The following NRG1 variants were observed in gnomAD, a reference collection of about 807,000 sequenced individuals.
The protein encoded by NRG1 is pro-neuregulin-1, membrane-bound isoform.
NRG1 carries 18 observed loss-of-function variants against 63.8 expected under a neutral mutation model. The observed-to-expected ratio is 0.28, with a 90% CI of 0.19 to 0.42. The LOEUF (loss-of-function observed/expected upper bound fraction) is 0.42. Among genes scored for constraint, NRG1 ranks in the 10% least tolerant of loss-of-function variants. NRG1 has a pLI of 1.00. For synonymous variants in NRG1, 302 were observed against 301.3 expected (o/e 1.00, Z -0.02); for missense variants, 762 against 814.7 (o/e 0.94, Z 0.79).
chr8:32,134,334 A>G (rs1420892293), intron 1 of NRG1, among the ~76,000 whole-genome samples: 1 of 152,152 alleles, frequency 6.6e-6, no homozygotes, highest in Non-Finnish European at 1.5e-5. Flanking sequence ...TGGCTTAAAA[A>G]TTTCCCTATA....
intron 1 of NRG1, among the ~76,000 whole-genome samples, chr8:31,951,088 A>G (rs367830): frequency 0.9 from 136,934 of 152,286 alleles, 62,359 homozygotes; most frequent in African/African-American, 0.97. Flanking sequence ...GTGTGAGAAT[A>G]TTGTAGTTCC....
intron 1 of NRG1, among the ~76,000 whole-genome samples, chr8:31,884,465 A>G (rs1331087224): frequency 6.6e-6 from 1 of 152,064 alleles, no homozygotes; most frequent in East Asian, 1.9e-4. Context: ...GGCTCCTCCT[A>G]TTTCAAGATT....
chr8:32,709,343 T>C (rs1326653491), intron 5 of NRG1, among the ~76,000 whole-genome samples: 3 of 152,204 alleles, frequency 2.0e-5, no homozygotes, highest in Non-Finnish European at 4.4e-5. Context: ...TCAGATTTCT[T>C]CCATAGCTTT....
chr8:32,571,171 A>G (rs10503920), intron 1 of NRG1, among the ~76,000 whole-genome samples: 43,811 of 152,104 alleles, frequency 0.29, 7,565 homozygotes, highest in East Asian at 0.79. Context: ...ACAGTGCTCC[A>G]AATTAAAGAT....
intron 1 of NRG1, among the ~76,000 whole-genome samples, chr8:31,722,573 G>A: frequency 6.6e-6 from 1 of 152,038 alleles, no homozygotes; most frequent in African/African-American, 2.4e-5. Flanking sequence ...TGCCTATCAA[G>A]CCTTGCTCTC....
intron 1 of NRG1, among the ~76,000 whole-genome samples, chr8:31,833,314 C>G (rs1161578963): frequency 6.6e-6 from 1 of 152,270 alleles, no homozygotes; most frequent in Non-Finnish European, 1.5e-5. Context: ...GTTCCCAGAC[C>G]ATTTGCCAAA....
At chr8:31,925,027 T>A (rs1290144888) in intron 1 of NRG1, among the ~76,000 whole-genome samples, 1 of 151,354 alleles carries the variant, frequency 6.6e-6, no homozygotes, top group African/African-American at 2.4e-5. Context: ...TGGTCCAATT[T>A]TGTTAAACAT....
At chr8:32,617,915 T>C (rs1166211420) in intron 5 of NRG1, among the ~76,000 whole-genome samples, 1 of 152,186 alleles carries the variant, frequency 6.6e-6, no homozygotes, top group Non-Finnish European at 1.5e-5. Flanking sequence ...CTATATGGTA[T>C]AAAATTATCT....
At chr8:32,115,933 A>G (rs1832658305) in intron 1 of NRG1, among the ~76,000 whole-genome samples, 2 of 151,734 alleles carry the variant, frequency 1.3e-5, no homozygotes, top group African/African-American at 4.8e-5. Flanking sequence ...TCATTAACCA[A>G]TCTGACTGAT....
intron 5 of NRG1, among the ~76,000 whole-genome samples, chr8:32,724,645 C>T (rs567144230): frequency 6.6e-6 from 1 of 152,268 alleles, no homozygotes; most frequent in African/African-American, 2.4e-5. Flanking sequence ...CGGCTTCTTC[C>T]GACAATTACA....
rs1225215124 is a variant in NRG1 at position 31,966,698 on chromosome 8, G to A, written c.37+327267G>A. On this transcript the variant is annotated intron_variant, in intron 1 of 10. Coordinates refer to the NRG1 transcript ENST00000519301. ...CTGCATTGTCCCATTGAATAGATGTGGCACATTCTGGATCTAGTGAGAATA... is the reference window on the plus strand; with the variant it reads ...CTGCATTGTCCCATTGAATAGATGTAGCACATTCTGGATCTAGTGAGAATA... 2.6e-5 allele frequency among the ~76,000 whole-genome samples: 4 copies of A among 152,098 alleles called. No homozygotes were observed. The East Asian group carries it at 7.7e-4, about 29-fold the overall frequency.
In NRG1 at chr8:32,054,859, CTTTCTTTTTTTTTTTTTTTTT is replaced by C. The variant is rs1420313214; in HGVS notation, c.37+415432_37+415452del. On this transcript the variant is annotated intron_variant, in intron 1 of 10. Coordinates refer to the NRG1 transcript ENST00000519301. Reference sequence around the variant, plus strand: ...TTTCCCTTGAAAAGCAGATTTCTTTCTTTCTTTTTTTTTTTTTTTTTTTTTTTTTTTTTTTTTTTTTTTTTT... The same window carrying C: ...TTTCCCTTGAAAAGCAGATTTCTTTCTTTTTTTTTTTTTTTTTTTTTTTTT... 1.7e-3 allele frequency among the ~76,000 whole-genome samples: 120 copies of C among 70,684 alleles called. 4 individuals carry two copies. Among genetic ancestry groups the C allele is most frequent in the Middle Eastern group, 8.8e-3 (1 of 114 alleles). 46.4% of individuals were successfully genotyped at this position (70,684 alleles called of 152,430 possible). A position where few individuals can be genotyped will look rare whatever the true frequency, so the allele number is the denominator to read the frequency against.
chr8:32,627,569 A>G (rs1849520076), intron 5 of NRG1, among the ~76,000 whole-genome samples: 1 of 152,188 alleles, frequency 6.6e-6, no homozygotes, highest in African/African-American at 2.4e-5. Flanking sequence ...CTCAGCCCCA[A>G]AGTGCTGGGA....
Position 31,868,147 on chromosome 8 carries a change from TACACAC to T in NRG1, c.37+228758_37+228763del, listed in dbSNP as rs1047085862. Among the ~76,000 whole-genome samples, 85 of 32,656 alleles carry T rather than the reference TACACAC, an allele frequency of 2.6e-3. 1 individual carries two copies. The highest frequency in any genetic ancestry group is 9.7e-3 in the East Asian group (5 of 518). 21.4% of individuals were successfully genotyped at this position (32,656 alleles called of 152,430 possible). ...AACACACACACACACACATACATCTTACACACACACACACACACACACACACACACA... is the reference window on the plus strand; with the variant it reads ...AACACACACACACACACATACATCTTACACACACACACACACACACACACA... On this transcript the variant is annotated intron_variant, in intron 1 of 10. Coordinates refer to the NRG1 transcript ENST00000519301.
rs139757944 is a variant in NRG1, at chr8:32,009,345, T to C, written c.37+369914T>C. Among the ~76,000 whole-genome samples, 80 of 152,120 alleles carry C rather than the reference T, an allele frequency of 5.3e-4. No homozygotes were observed. In the East Asian group the frequency reaches 0.012, roughly 24 times the overall value. ...ATTCCATTCCCAGTTGTATACACAATGGTTAACTTTACATTCGTGCAATCA... is the reference window on the plus strand; with the variant it reads ...ATTCCATTCCCAGTTGTATACACAACGGTTAACTTTACATTCGTGCAATCA... On this transcript the variant is annotated intron_variant, in intron 1 of 10. Coordinates refer to the NRG1 transcript ENST00000519301.
intron 1 of NRG1, among the ~76,000 whole-genome samples, chr8:32,588,870 T>G (rs1478508487): frequency 5.3e-5 from 8 of 152,198 alleles, no homozygotes; most frequent in Admixed American, 5.2e-4. Context: ...TCCTCAGTAG[T>G]CAGGGACAAA....
intron 1 of NRG1, among the ~76,000 whole-genome samples, chr8:32,174,539 C>G (rs1415767539): frequency 6.6e-6 from 1 of 152,138 alleles, no homozygotes. Context: ...ATCAATGAAT[C>G]CAGGAGCTGG....
At position 32,506,213 on chromosome 8, in the gene NRG1, G is replaced by A. The variant is rs558132742; in HGVS notation, c.38-89615G>A. Among the ~76,000 whole-genome samples the A allele has an allele frequency of 3.7e-4, 57 of 152,198 alleles. No individual in the cohort carries two copies. The South Asian group carries it at 0.011, about 29-fold the overall frequency. Reference sequence around the variant, plus strand: ...ACAGTAGCTATGGTCGCAACACTGCGCTCCAGCCTGGGCAAGACCTTGTCT... The same window carrying A: ...ACAGTAGCTATGGTCGCAACACTGCACTCCAGCCTGGGCAAGACCTTGTCT... On this transcript the variant is annotated intron_variant, in intron 1 of 10. Coordinates refer to the NRG1 transcript ENST00000519301.
chr8:32,330,350 A>G (rs1408415332), intron 1 of NRG1, among the ~76,000 whole-genome samples: 1 of 152,180 alleles, frequency 6.6e-6, no homozygotes, highest in Non-Finnish European at 1.5e-5. Flanking sequence ...GAATTGTTCC[A>G]GATATAAAAT....
Sources: allele counts gnomAD v4.1 joint callset (sites outside exome capture counted in the v4.1 genomes callset), GRCh38; gene constraint gnomAD v4.1.1; transcripts MANE v1.5; gene names NCBI Gene and HGNC (gene_info 2026-07-23, HGNC 2026-07-21).